The following VGLL1 variants were observed in gnomAD, a reference collection of about 807,000 sequenced individuals.
The protein encoded by VGLL1 is vestigial like family member 1.
A neutral mutation model predicts 12.0 loss-of-function variants in VGLL1; 4 were observed. The observed-to-expected ratio is 0.33, with a 90% CI of 0.16 to 0.76. The LOEUF (loss-of-function observed/expected upper bound fraction) is 0.76. Ranked by LOEUF, VGLL1 falls within the 30% of genes least tolerant of loss-of-function variation. The pLI, the probability that VGLL1 is intolerant of heterozygous loss-of-function variation, is 0.60. For missense variants in VGLL1, 204 were observed against 208.7 expected, an observed-to-expected ratio of 0.98 and a Z score of 0.14; for synonymous variants, 87 against 81.2, an observed-to-expected ratio of 1.07 and a Z score of -0.39.
At chrX:136,553,889 G>A (rs1040377378) in intron 4 of VGLL1, among the ~76,000 whole-genome samples, 1 of 112,114 alleles carries the variant, frequency 8.9e-6, no homozygotes, top group African/African-American at 3.2e-5. Flanking sequence ...AGACATTCTG[G>A]AGGTTAGTCT....
chrX:136,551,232 C>CT lies in VGLL1; in HGVS notation c.688+420dup, dbSNP rs1263472883. Among the ~76,000 whole-genome samples, 7 of 103,837 alleles carry CT rather than the reference C, an allele frequency of 6.7e-5. No homozygotes were observed. In the East Asian group the frequency reaches 8.9e-4, roughly 13 times the overall value. The allele number at this position is 103,837 out of a possible 115,157, so 90.2% of individuals were successfully genotyped here. On this transcript the variant is annotated intron_variant, in intron 4 of 4. Coordinates refer to ENST00000370634, the MANE Select transcript of VGLL1 (RefSeq NM_016267.4). ...CAGCCTAGTATTCTTTTATTTATTT[C>CT]TTTTTTTTTAACCTGAGCTGGACTT...
intron 2 of VGLL1, among the ~76,000 whole-genome samples, chrX:136,542,109 T>C (rs993902179): frequency 1.8e-5 from 2 of 109,145 alleles, no homozygotes; most frequent in Non-Finnish European, 3.8e-5. Flanking sequence ...GGTGAGAGGG[T>C]ATATACGTGG....
chrX:136,556,530 G>T lies in VGLL1; in HGVS notation c.768G>T (p.Gln256His). The change falls in exon 5 of 5, where the codon CAG becomes CAT. Residue 256 changes from glutamine (Q) to histidine (H), a missense_variant. Physicochemically the swap from Gln to His is conservative, Grantham distance 24. Coordinates refer to ENST00000370634, the MANE Select transcript of VGLL1 (RefSeq NM_016267.4). Reference sequence around the variant, plus strand: ...GGGGCCACCCACATCGATACCTGCAGCATCTTTAGTCAAGTTGGAGGAGAA... The same window carrying T: ...GGGGCCACCCACATCGATACCTGCATCATCTTTAGTCAAGTTGGAGGAGAA... ...NHWGHPHRYL[Q>H]HL 1 of 1,209,303 alleles carries T rather than the reference G, an allele frequency of 8.3e-7. No homozygotes were observed. The highest frequency in any genetic ancestry group is 1.1e-6 in the Non-Finnish European group (1 of 893,398).
intron 2 of VGLL1, among the ~76,000 whole-genome samples, chrX:136,547,548 A>T (rs1348174006): frequency 3.6e-5 from 4 of 111,886 alleles, no homozygotes; most frequent in African/African-American, 1.3e-4. Flanking sequence ...CTTCTTGGCT[A>T]ATCTGTTTTT....
chrX:136,534,706 T>C (rs756722180), intron 1 of VGLL1, among the ~76,000 whole-genome samples: 1 of 112,176 alleles, frequency 8.9e-6, no homozygotes, highest in Non-Finnish European at 1.9e-5. Flanking sequence ...TAAGAATATG[T>C]TTAACTTTAT....
At chrX:136,549,701 T>C (rs1264367748) in intron 3 of VGLL1, among the ~76,000 whole-genome samples, 1 of 111,185 alleles carries the variant, frequency 9.0e-6, no homozygotes, top group African/African-American at 3.3e-5. Context: ...AATTTGCGCC[T>C]ACCAGATGCA....
At chrX:136,554,905 A>G (rs979222795) in intron 4 of VGLL1, among the ~76,000 whole-genome samples, 1 of 112,554 alleles carries the variant, frequency 8.9e-6, no homozygotes, top group African/African-American at 3.2e-5. Context: ...GTAAGTGAAG[A>G]AAGTCTGGGT....
Position 136,550,809 on chromosome X carries a change from C to G in VGLL1, c.676C>G (p.Leu226Val). ...YVSRGSASTSLPNETLSELET... is the reference protein window; with the variant it reads ...YVSRGSASTSVPNETLSELET... Reference sequence around the variant, plus strand: ...ATCTCGTGGATCTGCCAGTACCAGCCTTCCAAATGAAAGTAGGTATCTGGG... The same window carrying G: ...ATCTCGTGGATCTGCCAGTACCAGCGTTCCAAATGAAAGTAGGTATCTGGG... The change falls in exon 4 of 5, where the codon CTT becomes GTT. Residue 226 changes from leucine (L) to valine (V), a missense_variant. By Grantham distance (32) the Leu-to-Val change is conservative. Transcript: ENST00000370634. The G allele has an allele frequency of 8.3e-7, 1 of 1,208,615 alleles. No individual in the cohort carries two copies. The highest frequency in any genetic ancestry group is 1.8e-5 in the South Asian group (1 of 56,663).
At position 136,556,565 on chromosome X, in the gene VGLL1, T is replaced by C; in HGVS notation, c.*26T>C. The C allele has an allele frequency of 8.5e-7, 1 of 1,170,142 alleles. No homozygotes were observed. Among genetic ancestry groups the C allele is most frequent in the Non-Finnish European group, 1.2e-6 (1 of 858,735 alleles). ...TCAAGTTGGAGGAGAAAGACAACAC[T>C]TGGTCTAAGACACGGCAGCAAGACA... is the stretch of plus-strand genomic sequence containing the variant. On this transcript the variant is annotated 3_prime_UTR_variant, in exon 5 of 5. Transcript: ENST00000370634.
chrX:136,532,635 TTCTTTCTTTCTTTCTTTC>T (rs1331524619), intron 1 of VGLL1, among the ~76,000 whole-genome samples: 1 of 98,289 alleles, frequency 1.0e-5, no homozygotes, highest in African/African-American at 3.7e-5. Flanking sequence ...CTTTCTTTCT[TTCTTTCTTTCTTTCTTTC>T]TTTCTTTCTT....
At chrX:136,533,624 CA>C (rs1274480630) in intron 1 of VGLL1, among the ~76,000 whole-genome samples, 2 of 111,931 alleles carry the variant, frequency 1.8e-5, no homozygotes, top group Non-Finnish European at 3.8e-5. Context: ...GCCCTTCCAG[CA>C]GCAGACAGAG....
At chrX:136,543,744 GAC>G (rs1339578065) in intron 2 of VGLL1, among the ~76,000 whole-genome samples, 1 of 75,943 alleles carries the variant, frequency 1.3e-5, no homozygotes. Context: ...CAGCCTGGGA[GAC>G]AGTGAGACCC....
chrX:136,540,548 C>A (rs67400413), intron 2 of VGLL1, among the ~76,000 whole-genome samples: 22,230 of 110,690 alleles, frequency 0.2, 2,384 homozygotes, highest in African/African-American at 0.4. Context: ...CACCCTCTCA[C>A]GTCTGTCTTC....
chrX:136,536,203 G>T lies in VGLL1; in HGVS notation c.183G>T (p.Ser61=), dbSNP rs757908782. ...AGAGCCCCCAGGAATTGACCCCCTCGAGTCAGAGTGAAGGTGTGATGCTGA... is the reference window on the plus strand; with the variant it reads ...AGAGCCCCCAGGAATTGACCCCCTCTAGTCAGAGTGAAGGTGTGATGCTGA... ...NIKSPQELTP[S]SQSEGVMLKN... is the part of the protein sequence containing the mutation. The change falls in exon 2 of 5, where the codon TCG becomes TCT. Residue 61 remains serine (S), a synonymous_variant. Transcript: ENST00000370634. The T allele has an allele frequency of 2.9e-5, 35 of 1,208,632 alleles. No homozygotes were observed. Among genetic ancestry groups the T allele is most frequent in the Non-Finnish European group, 3.6e-5 (32 of 894,980 alleles).
At chrX:136,550,584 T>G (rs1455821530) in intron 3 of VGLL1, 184 bp from the exon 4 acceptor site, 2 of 392,611 alleles carry the variant, frequency 5.1e-6, no homozygotes, top group African/African-American at 5.2e-5. Context: ...GAACACTGCC[T>G]TGGAAGGTGG....
chrX:136,533,192 G>A (rs1310870752), intron 1 of VGLL1, among the ~76,000 whole-genome samples: 1 of 111,576 alleles, frequency 9.0e-6, no homozygotes, highest in Non-Finnish European at 1.9e-5. Flanking sequence ...AGTTGCTTGT[G>A]AGCCGATCCA....
intron 2 of VGLL1, 70 bp downstream of exon 2, chrX:136,536,304 T>C (rs1015209210): frequency 9.2e-5 from 96 of 1,046,974 alleles, no homozygotes; most frequent in Non-Finnish European, 1.2e-4. Flanking sequence ...AGTTCTTTGA[T>C]GTACTTGACA....
chrX:136,534,297 C>A (rs1351499138), intron 1 of VGLL1, among the ~76,000 whole-genome samples: 1 of 112,440 alleles, frequency 8.9e-6, no homozygotes. Flanking sequence ...CTCCCTCATG[C>A]CCTTTCCTAG....
intron 2 of VGLL1, among the ~76,000 whole-genome samples, chrX:136,540,369 G>A (rs773719351): frequency 6.9e-4 from 77 of 111,129 alleles, no homozygotes; most frequent in African/African-American, 2.4e-3. Context: ...ACTATGCCAA[G>A]GACAATCCTG....
Sources: gnomAD v4.1 joint callset for allele counts (sites outside exome capture counted in the v4.1 genomes callset) on GRCh38, gnomAD v4.1.1 for gene constraint, MANE v1.5 for transcripts, NCBI Gene and HGNC (gene_info 2026-07-23, HGNC 2026-07-21) for gene names.